CENPP: variants seen among roughly 807,000 people sequenced by gnomAD.
CENPP encodes the protein centromere protein P.
A neutral mutation model predicts 35.6 loss-of-function variants in CENPP; 24 were observed. The observed-to-expected ratio is 0.67, with a 90% CI of 0.49 to 0.95. CENPP has a LOEUF of 0.95. Ranked by LOEUF, CENPP falls within the 40% of genes least tolerant of loss-of-function variation. The pLI is 0.00. For synonymous variants in CENPP, 120 were observed against 125.5 expected (o/e 0.96, Z 0.29); for missense variants, 332 against 345.3 (o/e 0.96, Z 0.31).
At chr9:92,453,137 G>A (rs1232031814) in intron 5 of CENPP, among the ~76,000 whole-genome samples, 1 of 151,204 alleles carries the variant, frequency 6.6e-6, no homozygotes, top group African/African-American at 2.4e-5. Context: ...CTTGCCTTCT[G>A]CTAGCTTTTG....
At chr9:92,370,925 C>A (rs1432384031) in intron 4 of CENPP, among the ~76,000 whole-genome samples, 1 of 152,076 alleles carries the variant, frequency 6.6e-6, no homozygotes, top group Non-Finnish European at 1.5e-5. Context: ...AGTCTCTCAT[C>A]TTTTTTATTT....
chr9:92,369,357 G>C (rs1188646131), intron 4 of CENPP, among the ~76,000 whole-genome samples: 1 of 152,156 alleles, frequency 6.6e-6, no homozygotes, highest in East Asian at 1.9e-4. Flanking sequence ...CAGAGGACCT[G>C]TCCCTAGTTA....
intron 5 of CENPP, among the ~76,000 whole-genome samples, chr9:92,452,826 G>T (rs2131025228): frequency 6.6e-6 from 1 of 152,228 alleles, no homozygotes; most frequent in Admixed American, 6.5e-5. Context: ...GTTTAGTCTT[G>T]GGAGGGTGTA....
At position 92,379,831 on chromosome 9, in the gene CENPP, A is replaced by G; in HGVS notation, c.536A>G (p.Tyr179Cys). Reference sequence around the variant, plus strand: ...CATTTTTTTGTGGAGTGGTTTGAATATCGTAAGCGCACGTTTAAACATCTC... The same window carrying G: ...CATTTTTTTGTGGAGTGGTTTGAATGTCGTAAGCGCACGTTTAAACATCTC... ...SLHFFVEWFE[Y>C]RKRTFKHLKE... The change falls in exon 5 of 8, where the codon TAT becomes TGT. Residue 179 changes from tyrosine (Y) to cysteine (C), a missense_variant. By Grantham distance (194) the Tyr-to-Cys change is radical. Coordinates refer to ENST00000375587, the MANE Select transcript of CENPP (RefSeq NM_001012267.3). 1 of 1,612,634 alleles carries G rather than the reference A, an allele frequency of 6.2e-7. No homozygotes were observed. Among genetic ancestry groups the G allele is most frequent in the Non-Finnish European group, 8.5e-7 (1 of 1,178,670 alleles).
rs1350826793 is a variant in CENPP at position 92,600,506 on chromosome 9, G to T, written c.565-10808G>T. On this transcript the variant is annotated intron_variant, in intron 5 of 7. Transcript: ENST00000375587. ...GTCTGTTCTGCAAAGGTCTGGAGATGAGGTAAGTGCTGAGGGCTGGGCCAC... is the reference window on the plus strand; with the variant it reads ...GTCTGTTCTGCAAAGGTCTGGAGATTAGGTAAGTGCTGAGGGCTGGGCCAC... The T allele has an allele frequency of 1.9e-6, 3 of 1,612,898 alleles. No homozygotes were observed. The East Asian group carries it at 6.7e-5, about 36-fold the overall frequency.
chr9:92,379,218 A>C (rs902153105), intron 4 of CENPP, among the ~76,000 whole-genome samples: 1 of 152,226 alleles, frequency 6.6e-6, no homozygotes, highest in Admixed American at 6.5e-5. Flanking sequence ...CAGACACATT[A>C]TCCTCCCAGT....
rs986502450 is a variant in CENPP at position 92,428,054 on chromosome 9, G to T, written c.564+48195G>T. Among the ~76,000 whole-genome samples the T allele has an allele frequency of 3.3e-5, 5 of 152,278 alleles. No individual in the cohort carries two copies. In the South Asian group the frequency reaches 6.2e-4, roughly 19 times the overall value. ...AGGCAGATAATGACACTTAGCTGAT[G>T]AACTACTTCTATCAGAAAGGCCACT... On this transcript the variant is annotated intron_variant, in intron 5 of 7. Coordinates refer to ENST00000375587, the MANE Select transcript of CENPP (RefSeq NM_001012267.3).
intron 5 of CENPP, among the ~76,000 whole-genome samples, chr9:92,567,371 T>G (rs117190902): frequency 0.067 from 5,808 of 86,712 alleles, 230 homozygotes; most frequent in South Asian, 0.17. Context: ...TTACATAAGA[T>G]AGATATATAT....
intron 5 of CENPP, among the ~76,000 whole-genome samples, chr9:92,457,777 G>GATAC (rs923995821): frequency 1.3e-5 from 2 of 152,086 alleles, no homozygotes; most frequent in African/African-American, 2.4e-5. Context: ...TAGATAGATA[G>GATAC]ATACATACAT....
intron 5 of CENPP, among the ~76,000 whole-genome samples, chr9:92,452,231 G>A (rs950571664): frequency 6.6e-6 from 1 of 151,982 alleles, no homozygotes; most frequent in Non-Finnish European, 1.5e-5. Context: ...TATTGGCTGT[G>A]GGTCTGTCAT....
At chr9:92,435,823 TG>T (rs1191114276) in intron 5 of CENPP, among the ~76,000 whole-genome samples, 1 of 152,246 alleles carries the variant, frequency 6.6e-6, no homozygotes, top group Non-Finnish European at 1.5e-5. Context: ...AAAAAACATC[TG>T]GGCTGCCTCC....
rs1027312768 is a variant in CENPP at position 92,415,833 on chromosome 9, A to G, written c.564+35974A>G. Among the ~76,000 whole-genome samples the G allele has an allele frequency of 9.6e-5, 14 of 146,240 alleles. No individual in the cohort carries two copies. In the Middle Eastern group the frequency reaches 0.011, roughly 115 times the overall value. ...TACATATATAAAACTGACAATTTAT[A>G]CATATATATAAAAAAATATATATAT... On this transcript the variant is annotated intron_variant, in intron 5 of 7. Coordinates refer to ENST00000375587, the MANE Select transcript of CENPP (RefSeq NM_001012267.3).
rs1266876085 is a variant in CENPP at position 92,451,418 on chromosome 9, G to A, written c.564+71559G>A. 5.5e-4 allele frequency among the ~76,000 whole-genome samples: 78 copies of A among 140,620 alleles called. No homozygotes were observed. The South Asian group carries it at 6.4e-3, about 11-fold the overall frequency. The allele number at this position is 140,620 out of a possible 152,430, so 92.3% of individuals were successfully genotyped here. A position where few individuals can be genotyped will look rare whatever the true frequency, so the allele number is the denominator to read the frequency against. Reference sequence around the variant, plus strand: ...GATCAGATAGTTGTAGATATGCGGCGTTATTTCTGAGGGCTCTGTTCTGTT... The same window carrying A: ...GATCAGATAGTTGTAGATATGCGGCATTATTTCTGAGGGCTCTGTTCTGTT... On this transcript the variant is annotated intron_variant, in intron 5 of 7. Transcript: ENST00000375587.
In CENPP at chr9:92,398,163, TG is replaced by T. The variant is rs1842968201; in HGVS notation, c.564+18305del. On this transcript the variant is annotated intron_variant, in intron 5 of 7. Transcript: ENST00000375587. ...TTCATATTTGTTTATAGTTCTTTTT[TG>T]TCCTTAGCCTGAAGGTATATAGGAA... Among the ~76,000 whole-genome samples the T allele has an allele frequency of 2.6e-5, 4 of 152,364 alleles. No individual in the cohort carries two copies. In the South Asian group the frequency reaches 8.3e-4, roughly 32 times the overall value.
intron 5 of CENPP, among the ~76,000 whole-genome samples, chr9:92,567,403 T>TATATATAGATAGATAGATAG (rs1554688343): frequency 7.2e-6 from 1 of 138,670 alleles, no homozygotes; most frequent in Non-Finnish European, 1.6e-5. Flanking sequence ...TATAGATATA[T>TATATATAGATAGATAGATAG]ATATAAAGTG....
At chr9:92,473,739 G>A (rs1711627282) in intron 5 of CENPP, among the ~76,000 whole-genome samples, 1 of 152,080 alleles carries the variant, frequency 6.6e-6, no homozygotes, top group Non-Finnish European at 1.5e-5. Flanking sequence ...TTTTCTGAAT[G>A]CTTTTTGTTT....
chr9:92,418,238 C>G (rs561444188), intron 5 of CENPP, among the ~76,000 whole-genome samples: 1 of 152,052 alleles, frequency 6.6e-6, no homozygotes, highest in South Asian at 2.1e-4. Context: ...AGGCGCGTGC[C>G]ACCACGCTTG....
At chr9:92,548,963 A>G (rs1395590684) in intron 5 of CENPP, among the ~76,000 whole-genome samples, 1 of 152,232 alleles carries the variant, frequency 6.6e-6, no homozygotes, top group Admixed American at 6.5e-5. Flanking sequence ...GAACAAGGCT[A>G]TAAGACTTTC....
At chr9:92,611,457 C>A in intron 6 of CENPP, 64 bp downstream of exon 6, 1 of 1,298,638 alleles carries the variant, frequency 7.7e-7, no homozygotes, top group Non-Finnish European at 1.1e-6. Context: ...AAGTAGGAGA[C>A]CACCTAAGTA....
Sources: allele counts gnomAD v4.1 joint callset (sites outside exome capture counted in the v4.1 genomes callset), GRCh38; gene constraint gnomAD v4.1.1; transcripts MANE v1.5; gene names NCBI Gene and HGNC (gene_info 2026-07-23, HGNC 2026-07-21).